Variants in IZUMO4 observed in about 807,000 individuals in gnomAD.
IZUMO4 encodes izumo sperm-egg fusion protein 4.
A neutral mutation model predicts 37.1 loss-of-function variants in IZUMO4; 51 were observed. The observed-to-expected ratio is 1.38, with a 90% CI of 1.10 to 1.74. The LOEUF is 1.74. IZUMO4 is among the 40% of genes most tolerant of loss of function. The pLI, the probability that IZUMO4 is intolerant of heterozygous loss-of-function variation, is 0.00. For synonymous variants in IZUMO4, 162 were observed against 121.4 expected, an observed-to-expected ratio of 1.33 and a Z score of -2.20; for missense variants, 364 against 299.6, an observed-to-expected ratio of 1.21 and a Z score of -1.59.
At position 2,097,732 on chromosome 19, in the gene IZUMO4, G is replaced by T. The variant is rs1173332374; in HGVS notation, c.371-197G>T. ...GGGAGTGTTGCCACCGCCCTCCCCT[G>T]AAGTTTGCTCCATCTCACGCTGGGG... On this transcript the variant is annotated intron_variant, in intron 3 of 9. Transcript: ENST00000395301. 5 of 723,162 alleles carry T rather than the reference G, an allele frequency of 6.9e-6. No individual in the cohort carries two copies. The East Asian group carries it at 1.1e-4, about 16-fold the overall frequency. 44.8% of individuals were successfully genotyped at this position (723,162 alleles called of 1,614,324 possible).
At chr19:2,098,685 G>A in intron 7 of IZUMO4, 102 bp from the exon 8 acceptor site, 1 of 1,570,612 alleles carries the variant, frequency 6.4e-7, no homozygotes. Flanking sequence ...CATAGGGTCT[G>A]GTTCCACCCC....
In IZUMO4 at chr19:2,096,968, T is replaced by C; in HGVS notation, c.23T>C (p.Val8Ala). 1.2e-6 allele frequency: 2 copies of C among 1,607,572 alleles called. No individual in the cohort carries two copies. The highest frequency in any genetic ancestry group is 1.7e-6 in the Non-Finnish European group (2 of 1,179,650). MALLLCL[V>A]CLTAALAHGC... ...GGCATGGCCCTGCTGCTGTGCCTGG[T>C]GTGCCTGACGGCGGCGCTGGCCCAC... Residue 8 changes from valine (V) to alanine (A), a missense_variant, in exon 1 of 10, where the codon GTG (valine) becomes GCG (alanine). Transcript: ENST00000395301.
At chr19:2,097,401 C>T in intron 2 of IZUMO4, 23 bp from the exon 3 acceptor site, 2 of 1,611,948 alleles carry the variant, frequency 1.2e-6, no homozygotes, top group East Asian at 2.2e-5. Flanking sequence ...TGAGCCTGAC[C>T]TTCTCCTGCC....
Position 2,097,917 on chromosome 19 carries a change from G to C in IZUMO4, c.371-12G>C. On this transcript the variant is annotated splice_polypyrimidine_tract_variant and intron_variant, in intron 3 of 9. Transcript: ENST00000395301. The stretch of plus-strand genomic sequence containing the variant: ...GGGCCTGGTAAGATGGCGCTGTCCT[G>C]CCCTCCCACAGGCCGCATCGACTGT... The C allele has an allele frequency of 1.2e-6, 2 of 1,612,890 alleles. No individual in the cohort carries two copies. Among genetic ancestry groups the C allele is most frequent in the Non-Finnish European group, 8.5e-7 (1 of 1,179,910 alleles).
intron 3 of IZUMO4, 134 bp from the exon 4 acceptor site, chr19:2,097,795 C>G (rs987657286): frequency 3.5e-6 from 4 of 1,140,934 alleles, no homozygotes; most frequent in Non-Finnish European, 5.1e-6. Flanking sequence ...GCCATGGACA[C>G]ACATACATGA....
chr19:2,097,753 T>C (rs2017752202), intron 3 of IZUMO4, 176 bp from the exon 4 acceptor site: 1 of 786,244 alleles, frequency 1.3e-6, no homozygotes, highest in East Asian at 2.6e-5. Flanking sequence ...CATCTCACGC[T>C]GGGGGTCAAC....
Position 2,099,485 on chromosome 19 carries a change from G to T in IZUMO4, c.*140G>T. ...ACAGAGCTGAGCTGGCCAGGGCCAG[G>T]AGGGCGGGAGGGAGGGAATGGGGGT... On this transcript the variant is annotated 3_prime_UTR_variant, in exon 10 of 10. Transcript: ENST00000395301. 1.8e-6 allele frequency: 1 copy of T among 542,840 alleles called. No individual in the cohort carries two copies. The highest frequency in any genetic ancestry group is 3.4e-6 in the Non-Finnish European group (1 of 292,110). The allele number at this position is 542,840 out of a possible 1,614,324, so 33.6% of individuals were successfully genotyped here.
chr19:2,097,624 C>T (rs2144953336), intron 3 of IZUMO4, 129 bp downstream of exon 3: 1 of 880,990 alleles, frequency 1.1e-6, no homozygotes. Flanking sequence ...GGGCAGCTCT[C>T]CAGGGAGGGA....
At chr19:2,099,219 G>C in intron 9 of IZUMO4, 36 bp from the exon 10 acceptor site, 8 of 1,575,404 alleles carry the variant, frequency 5.1e-6, no homozygotes, top group Non-Finnish European at 6.1e-6. Context: ...GGGGGTGGGG[G>C]ACATGGAGAG....
In IZUMO4 at chr19:2,098,133, G is replaced by A. The variant is rs1393688846; in HGVS notation, c.473+6G>A. The A allele has an allele frequency of 3.1e-6, 5 of 1,613,300 alleles. No homozygotes were observed. The highest frequency in any genetic ancestry group is 4.2e-6 in the Non-Finnish European group (5 of 1,179,956). The stretch of plus-strand genomic sequence containing the variant: ...TGCTTTGGCTATAACTGCGAGTAGG[G>A]CTCAGGCATCACACCCACCCGTGCC... On this transcript the variant is annotated splice_donor_region_variant and intron_variant, in intron 5 of 9. Transcript: ENST00000395301.
intron 4 of IZUMO4, 47 bp downstream of exon 4, chr19:2,098,002 G>C (rs746081480): frequency 4.3e-6 from 7 of 1,613,130 alleles, no homozygotes; most frequent in Non-Finnish European, 5.9e-6. Context: ...GTGGCAGCTC[G>C]GGGCCCTGGA....
rs2017859454 is a variant in IZUMO4 at position 2,099,517 on chromosome 19, T to C, written c.*172T>C. The C allele has an allele frequency of 1.7e-6, 1 of 597,976 alleles. No homozygotes were observed. The highest frequency in any genetic ancestry group is 3.0e-6 in the Non-Finnish European group (1 of 332,454). 37.0% of individuals were successfully genotyped at this position (597,976 alleles called of 1,614,324 possible). A position where few individuals can be genotyped will look rare whatever the true frequency, so the allele number is the denominator to read the frequency against. Reference sequence around the variant, plus strand: ...GGAGGGAGGGAATGGGGGTGGGCTGTGCGCAGCATCAGCGCCTGGGCAGGT... The same window carrying C: ...GGAGGGAGGGAATGGGGGTGGGCTGCGCGCAGCATCAGCGCCTGGGCAGGT... On this transcript the variant is annotated 3_prime_UTR_variant, in exon 10 of 10. Coordinates refer to ENST00000395301, the MANE Select transcript of IZUMO4 (RefSeq NM_001039846.2).
intron 3 of IZUMO4, 167 bp downstream of exon 3, chr19:2,097,662 C>T: frequency 2.7e-6 from 2 of 742,018 alleles, no homozygotes; most frequent in Non-Finnish European, 4.7e-6. Context: ...AGGATCAATG[C>T]CATCACCCCG....
At chr19:2,097,199 G>T in intron 1 of IZUMO4, 37 bp downstream of exon 1, 8 of 1,605,968 alleles carry the variant, frequency 5.0e-6, no homozygotes, top group Non-Finnish European at 6.8e-6. Flanking sequence ...CGACTACCCC[G>T]CCAGCGAGAC....
At chr19:2,099,107 CCTG>C in intron 9 of IZUMO4, 78 bp downstream of exon 9, 3 of 1,443,046 alleles carry the variant, frequency 2.1e-6, no homozygotes, top group Non-Finnish European at 2.9e-6. Context: ...GCCTGCACAC[CCTG>C]CTGACATCCC....
At position 2,097,207 on chromosome 19, in the gene IZUMO4, G is replaced by T. The variant is rs541329358; in HGVS notation, c.217+45G>T. On this transcript the variant is annotated intron_variant, in intron 1 of 9. Transcript: ENST00000395301. ...CCAGTCCCGACTACCCCGCCAGCGA[G>T]ACCCCGGGGCAGGCCGGTCACCTGG... The T allele has an allele frequency of 3.7e-6, 6 of 1,607,140 alleles. No homozygotes were observed. The African/African-American group carries it at 8.0e-5, about 21-fold the overall frequency.
chr19:2,097,829 G>A (rs1568262492), intron 3 of IZUMO4, 100 bp from the exon 4 acceptor site: 1 of 1,462,350 alleles, frequency 6.8e-7, no homozygotes, highest in Non-Finnish European at 9.5e-7. Context: ...CTGGGCCCCA[G>A]TGCCGAGGGA....
chr19:2,097,358 G>GCCCCCCCCCCCCCGGGAAC, intron 2 of IZUMO4, 26 bp downstream of exon 2: 1 of 1,602,914 alleles, frequency 6.2e-7, no homozygotes, highest in Admixed American at 1.7e-5. Context: ...CCGAGGCGGG[G>GCCCCCCCCCCCCCGGGAAC]CCCCCCCACC....
chr19:2,098,509 A>T, intron 7 of IZUMO4, 59 bp downstream of exon 7: 1 of 1,611,924 alleles, frequency 6.2e-7, no homozygotes, highest in Non-Finnish European at 8.5e-7. Context: ...CTCGTGGGTG[A>T]GTATGTGTGG....
Sources: allele counts gnomAD v4.1 joint callset, GRCh38; gene constraint gnomAD v4.1.1; transcripts MANE v1.5; gene names NCBI Gene and HGNC (gene_info 2026-07-23, HGNC 2026-07-21).